TBC1D16: variants seen among roughly 807,000 people sequenced by gnomAD.
TBC1D16 encodes TBC1 domain family member 16.
TBC1D16 carries 58 observed loss-of-function variants against 74.7 expected under a neutral mutation model. The ratio of observed to expected loss-of-function variants is 0.78; its 90% confidence interval spans 0.63 to 0.97. The LOEUF is 0.97. TBC1D16 is among the 50% of genes least tolerant of loss of function. The probability of loss-of-function intolerance (pLI) is 0.00; values close to 1 mark genes in which losing one functional copy is unlikely to be tolerated. For synonymous variants in TBC1D16, 493 were observed against 474.7 expected, an observed-to-expected ratio of 1.04 and a Z score of -0.50; for missense variants, 1,014 against 1,079.5, an observed-to-expected ratio of 0.94 and a Z score of 0.85.
chr17:79,942,800 C>T (rs2032141982), intron 10 of TBC1D16, among the ~76,000 whole-genome samples: 1 of 152,210 alleles, frequency 6.6e-6, no homozygotes, highest in Admixed American at 6.5e-5. Context: ...CAGCAGCTCA[C>T]CCACAGGGTG....
rs111457189 is a variant in TBC1D16, at chr17:79,990,260, C to T, written c.779+19900G>A. On this transcript the variant is annotated intron_variant, in intron 3 of 11. Coordinates refer to ENST00000310924, the MANE Select transcript of TBC1D16 (RefSeq NM_019020.4). This position sits in a 1 kb window ranked among gnomAD's most constrained non-coding sequence, Gnocchi z 4.8. ...AGCCCTCACAAGGCGTGTGCGGTGACGGGTCTCGGGCGCCCAGCCAGCGAG... is the reference window on the plus strand; with the variant it reads ...AGCCCTCACAAGGCGTGTGCGGTGATGGGTCTCGGGCGCCCAGCCAGCGAG... 0.017 allele frequency among the ~76,000 whole-genome samples: 2,561 copies of T among 152,322 alleles called. 36 individuals carry two copies. Among genetic ancestry groups the T allele is most frequent in the East Asian group, 0.048 (247 of 5,180 alleles).
rs577439669 is a variant in TBC1D16, at chr17:79,940,092, C to A, written c.*767G>T. On this transcript the variant is annotated 3_prime_UTR_variant, in exon 12 of 12. Transcript: ENST00000310924. The surrounding 1 kb of genome is among the most constrained non-coding windows in gnomAD (Gnocchi z 5.4). ...ACGCCAAGGAACCTCACGTAGAAGA[C>A]CCCCAGCAAAGAAAAAGGCATCAGA... 1.1e-4 allele frequency: 17 copies of A among 152,132 alleles called. No individual in the cohort carries two copies. Among genetic ancestry groups the A allele is most frequent in the Non-Finnish European group, 2.1e-4 (14 of 68,018 alleles). 9.4% of individuals were successfully genotyped at this position (152,132 alleles called of 1,614,324 possible).
At position 79,957,184 on chromosome 17, in the gene TBC1D16, G is replaced by A. The variant is rs144295034; in HGVS notation, c.780-4366C>T. Among the ~76,000 whole-genome samples the A allele has an allele frequency of 2.0e-3, 310 of 152,308 alleles. 1 individual carries two copies. Among genetic ancestry groups the A allele is most frequent in the Non-Finnish European group, 2.7e-3 (185 of 68,028 alleles). Reference sequence around the variant, plus strand: ...GTGAGCAGGGCGTGTTCGGTGTGCTGGGTTGGGAGAGGAGGCTGTGATGGG... The same window carrying A: ...GTGAGCAGGGCGTGTTCGGTGTGCTAGGTTGGGAGAGGAGGCTGTGATGGG... On this transcript the variant is annotated intron_variant, in intron 3 of 11. Transcript: ENST00000310924.
intron 9 of TBC1D16, 152 bp downstream of exon 9, chr17:79,947,493 A>G (rs1231804049): frequency 4.8e-6 from 4 of 826,664 alleles, no homozygotes; most frequent in African/African-American, 3.4e-5. Flanking sequence ...TAAGCCGCCC[A>G]TATCCCACGG....
At chr17:80,003,462 T>C (rs1021011655) in intron 3 of TBC1D16, among the ~76,000 whole-genome samples, 3 of 152,196 alleles carry the variant, frequency 2.0e-5, no homozygotes, top group Non-Finnish European at 4.4e-5. Flanking sequence ...CTGGTGTCAC[T>C]GGAAGGACCT....
intron 3 of TBC1D16, among the ~76,000 whole-genome samples, chr17:79,997,065 G>A (rs1015304500): frequency 2.6e-5 from 4 of 152,326 alleles, no homozygotes; most frequent in African/African-American, 7.2e-5. Flanking sequence ...TTCCAGTTAC[G>A]TAAAATTCTT....
chr17:80,023,767 T>C (rs557154154), intron 1 of TBC1D16: 1 of 149,782 alleles, frequency 6.7e-6, no homozygotes, highest in Non-Finnish European at 1.5e-5. Context: ...CACAGCGGGT[T>C]GTGTCAGGCC....
At chr17:80,025,400 A>G (rs1224176804) in intron 1 of TBC1D16, among the ~76,000 whole-genome samples, 1 of 150,054 alleles carries the variant, frequency 6.7e-6, no homozygotes, top group African/African-American at 2.5e-5. Flanking sequence ...TCTTGGGTCC[A>G]TAAACACAAG....
chr17:80,025,457 G>A (rs1343519835), intron 1 of TBC1D16, among the ~76,000 whole-genome samples: 1 of 150,134 alleles, frequency 6.7e-6, no homozygotes, highest in Non-Finnish European at 1.5e-5. Context: ...TCTGTGAGCT[G>A]GAGGAGGGGG....
intron 3 of TBC1D16, among the ~76,000 whole-genome samples, chr17:79,963,472 TTTTG>T (rs1183884228): frequency 3.3e-5 from 5 of 152,050 alleles, no homozygotes; most frequent in African/African-American, 9.7e-5. Flanking sequence ...ATGGACCGCG[TTTTG>T]TTTATCTTTT....
rs1251862078 is a variant in TBC1D16, at chr17:79,979,554, A to G, written c.780-26736T>C. 6.6e-6 allele frequency among the ~76,000 whole-genome samples: 1 copy of G among 152,156 alleles called. No individual in the cohort carries two copies. Among genetic ancestry groups the G allele is most frequent in the Non-Finnish European group, 1.5e-5 (1 of 68,034 alleles). On this transcript the variant is annotated intron_variant, in intron 3 of 11. Transcript: ENST00000310924. This position sits in a 1 kb window ranked among gnomAD's most constrained non-coding sequence, Gnocchi z 4.8. The stretch of plus-strand genomic sequence containing the variant: ...CTGCAGGACCAAACAGTCAATTAGT[A>G]TCCAAATACTTTTAGGGGACAGAAA...
intron 3 of TBC1D16, among the ~76,000 whole-genome samples, chr17:79,991,761 G>T (rs2035070868): frequency 6.6e-6 from 1 of 152,006 alleles, no homozygotes; most frequent in East Asian, 2.0e-4. Context: ...GCAGCGGCCA[G>T]CCCTGGGCTG....
At chr17:79,952,859 T>C (rs770582938) in intron 3 of TBC1D16, 41 bp from the exon 4 acceptor site, 2 of 1,573,568 alleles carry the variant, frequency 1.3e-6, no homozygotes, top group Non-Finnish European at 1.7e-6. Context: ...CACTTCTCCC[T>C]GCCCACACTA....
At chr17:80,022,623 G>A (rs989070020) in intron 1 of TBC1D16, among the ~76,000 whole-genome samples, 1 of 149,056 alleles carries the variant, frequency 6.7e-6, no homozygotes, top group African/African-American at 2.6e-5. Context: ...ACAGGCGTGA[G>A]CCACCACGTC....
rs548468154 is a variant in TBC1D16, at chr17:79,944,482, A to C, written c.1908+426T>G. The stretch of plus-strand genomic sequence containing the variant: ...CTGGAGGGGCCGACAGGGAAGTGGG[A>C]TCTCAGGCCCTTTCTCTGCACAGCA... On this transcript the variant is annotated intron_variant, in intron 10 of 11. Coordinates refer to ENST00000310924, the MANE Select transcript of TBC1D16 (RefSeq NM_019020.4). This position sits in a 1 kb window ranked among gnomAD's most constrained non-coding sequence, Gnocchi z 7.7. Among the ~76,000 whole-genome samples the C allele has an allele frequency of 1.3e-5, 2 of 152,264 alleles. No individual in the cohort carries two copies. Among genetic ancestry groups the C allele is most frequent in the African/African-American group, 4.8e-5 (2 of 41,552 alleles).
chr17:80,001,948 G>T lies in TBC1D16; in HGVS notation c.779+8212C>A, dbSNP rs905884243. On this transcript the variant is annotated intron_variant, in intron 3 of 11. Transcript: ENST00000310924. The surrounding 1 kb of genome is among the most constrained non-coding windows in gnomAD (Gnocchi z 5.8). The stretch of plus-strand genomic sequence containing the variant: ...AGCTGCTGCGCCCCGGAACAAAGAC[G>T]GGAAGGGCAAAGTGTGTCCTGATTC... 3.3e-5 allele frequency among the ~76,000 whole-genome samples: 5 copies of T among 152,126 alleles called. No homozygotes were observed. Among genetic ancestry groups the T allele is most frequent in the Non-Finnish European group, 5.9e-5 (4 of 68,030 alleles).
chr17:79,984,469 A>G lies in TBC1D16; in HGVS notation c.779+25691T>C, dbSNP rs185959188. Among the ~76,000 whole-genome samples the G allele has an allele frequency of 9.2e-5, 14 of 152,204 alleles. No homozygotes were observed. In the East Asian group the frequency reaches 1.9e-3, roughly 21 times the overall value. On this transcript the variant is annotated intron_variant, in intron 3 of 11. Transcript: ENST00000310924. ...AAAAGTTAACGGTGGTGAGCTGGGTATGGTGGGGCTTCACACCCTTCTTTT... is the reference window on the plus strand; with the variant it reads ...AAAAGTTAACGGTGGTGAGCTGGGTGTGGTGGGGCTTCACACCCTTCTTTT...
chr17:79,963,416 C>G (rs1323041474), intron 3 of TBC1D16, among the ~76,000 whole-genome samples: 1 of 152,146 alleles, frequency 6.6e-6, no homozygotes, highest in East Asian at 1.9e-4. Context: ...TAGCGTGGGT[C>G]AGAATTTCCT....
Position 79,980,080 on chromosome 17 carries a change from C to T in TBC1D16, c.780-27262G>A, listed in dbSNP as rs559863603. Reference sequence around the variant, plus strand: ...CTCACCGTGCCGTGGAGGGTGGCCGCGAGGTTCATCTGGGCCTCCGAGCCT... The same window carrying T: ...CTCACCGTGCCGTGGAGGGTGGCCGTGAGGTTCATCTGGGCCTCCGAGCCT... On this transcript the variant is annotated intron_variant, in intron 3 of 11. Transcript: ENST00000310924. The surrounding 1 kb of genome is among the most constrained non-coding windows in gnomAD (Gnocchi z 7.0). 1.4e-4 allele frequency among the ~76,000 whole-genome samples: 21 copies of T among 152,210 alleles called. No individual in the cohort carries two copies. Among genetic ancestry groups the T allele is most frequent in the Admixed American group, 5.2e-4 (8 of 15,298 alleles).
Sources: allele counts gnomAD v4.1 joint callset (sites outside exome capture counted in the v4.1 genomes callset), GRCh38; gene constraint gnomAD v4.1.1; non-coding constraint Gnocchi (gnomAD v3.1); transcripts MANE v1.5; gene names NCBI Gene and HGNC (gene_info 2026-07-23, HGNC 2026-07-21).